ENOSF1: variants seen among roughly 807,000 people sequenced by gnomAD.
The protein encoded by ENOSF1 is mitochondrial enolase superfamily member 1.
Under a neutral mutation model 68.2 loss-of-function variants are expected in ENOSF1, and 73 were observed. That is an observed-to-expected ratio of 1.07 (90% CI 0.89 to 1.30). ENOSF1 has a LOEUF of 1.30. Among genes scored for constraint, ENOSF1 ranks in the 50% most tolerant of loss-of-function variants. The probability of loss-of-function intolerance (pLI) is 0.00; values close to 1 mark genes in which losing one functional copy is unlikely to be tolerated. For missense variants in ENOSF1, 589 were observed against 554.5 expected, an observed-to-expected ratio of 1.06 and a Z score of -0.62; for synonymous variants, 223 against 210.4, an observed-to-expected ratio of 1.06 and a Z score of -0.52.
chr18:692,168 GCTGAGACCTCTC>G (rs1184314797), intron 5 of ENOSF1: 1 of 152,280 alleles, frequency 6.6e-6, no homozygotes, highest in Non-Finnish European at 1.5e-5. Context: ...GGGGCCTCGT[GCTGAGACCTCTC>G]CCCACCCTGA....
chr18:708,040 T>A (rs1246384908), intron 1 of ENOSF1, among the ~76,000 whole-genome samples: 1 of 140,236 alleles, frequency 7.1e-6, no homozygotes, highest in Non-Finnish European at 1.6e-5. Context: ...TTTTTTTTTT[T>A]AGTAAAGATG....
chr18:676,718 C>G (rs1050092695), intron 14 of ENOSF1, among the ~76,000 whole-genome samples: 2 of 152,164 alleles, frequency 1.3e-5, no homozygotes, highest in African/African-American at 4.8e-5. Context: ...TCACTACCCC[C>G]CTGAAGAGAA....
chr18:674,649 G>T (rs1328683139), intron 15 of ENOSF1, among the ~76,000 whole-genome samples: 1 of 152,128 alleles, frequency 6.6e-6, no homozygotes, highest in Non-Finnish European at 1.5e-5. Flanking sequence ...CTCCCATGTA[G>T]CTGGGATCAC....
chr18:712,227 G>GA lies in ENOSF1; in HGVS notation c.84+276dup. 4 of 1,501,576 alleles carry GA rather than the reference G, an allele frequency of 2.7e-6. No individual in the cohort carries two copies. The South Asian group carries it at 4.8e-5, about 18-fold the overall frequency. 93.0% of individuals were successfully genotyped at this position (1,501,576 alleles called of 1,614,324 possible). On this transcript the variant is annotated intron_variant, in intron 1 of 15. Transcript: ENST00000647584. ...TACTTATACAATTGCTCCAAGGCATGAAAAGCGAGTGTCTCCCCCAGGCGC... is the reference window on the plus strand; with the variant it reads ...TACTTATACAATTGCTCCAAGGCATGAAAAAGCGAGTGTCTCCCCCAGGCGC...
In ENOSF1 at chr18:691,238, GT is replaced by G; in HGVS notation, c.461del (p.Tyr154SerfsTer6). 1.2e-6 allele frequency: 2 copies of G among 1,614,212 alleles called. No individual in the cohort carries two copies. The highest frequency in any genetic ancestry group is 3.3e-5 in the Admixed American group (2 of 60,034). On this transcript the variant is annotated frameshift_variant, in exon 6 of 16. Coordinates refer to ENST00000647584, the MANE Select transcript of ENOSF1 (RefSeq NM_017512.7). LOFTEE classifies it high-confidence loss of function. Reference protein sequence around the residue: ...RMLVSCIDFRYITDVLTEEDA... With the variant: ...RMLVSCIDFRXITDVLTEEDA... ...CCTCCTCAGTCAGGACATCAGTGAT[GT>G]ACCTGAAATCTATGCAGGATACCAG...
In ENOSF1 at chr18:675,301, G is replaced by GA; in HGVS notation, c.1230+19_1230+20insT. The GA allele has an allele frequency of 6.3e-7, 1 of 1,596,188 alleles. No homozygotes were observed. The highest frequency in any genetic ancestry group is 1.1e-5 in the South Asian group (1 of 88,362). ...GGCTGGCAGCATCTCTTCTACAGGG[G>GA]CCCTCAGGCCACAGCTTACCTTGGG... On this transcript the variant is annotated intron_variant, in intron 15 of 15. Coordinates refer to ENST00000647584, the MANE Select transcript of ENOSF1 (RefSeq NM_017512.7).
intron 8 of ENOSF1, 77 bp from the exon 9 acceptor site, chr18:688,685 G>A: frequency 1.5e-6 from 2 of 1,311,806 alleles, no homozygotes; most frequent in Non-Finnish European, 2.2e-6. Flanking sequence ...TTGCTGATCT[G>A]TTTCACAAGC....
chr18:699,870 A>C (rs2078136363), intron 2 of ENOSF1, among the ~76,000 whole-genome samples: 1 of 152,208 alleles, frequency 6.6e-6, no homozygotes, highest in African/African-American at 2.4e-5. Context: ...GCCTGAGGTC[A>C]AGAGTTTGAG....
At chr18:707,994 G>C (rs1046442853) in intron 1 of ENOSF1, among the ~76,000 whole-genome samples, 1 of 151,282 alleles carries the variant, frequency 6.6e-6, no homozygotes, top group African/African-American at 2.4e-5. Flanking sequence ...CAAGTAGCTG[G>C]GATTACAGGC....
At chr18:703,273 C>T (rs902714920) in intron 2 of ENOSF1, among the ~76,000 whole-genome samples, 11 of 152,118 alleles carry the variant, frequency 7.2e-5, no homozygotes, top group African/African-American at 2.7e-4. Context: ...GAGCTCAGCA[C>T]CCATCCCAGA....
intron 2 of ENOSF1, among the ~76,000 whole-genome samples, chr18:704,496 A>G (rs1185473856): frequency 1.3e-5 from 2 of 150,936 alleles, no homozygotes; most frequent in African/African-American, 4.9e-5. Context: ...AAACTTGTAC[A>G]TAGTTTTAAA....
At position 688,629 on chromosome 18, in the gene ENOSF1, G is replaced by A. The variant is rs1159120816; in HGVS notation, c.619-21C>T. On this transcript the variant is annotated intron_variant, in intron 8 of 15. Coordinates refer to ENST00000647584, the MANE Select transcript of ENOSF1 (RefSeq NM_017512.7). ...CAGAGCTGTGGGAAAGGAGCACAGG[G>A]TCACACACTGGAGAGAGCCCCTTGG... The A allele has an allele frequency of 2.5e-6, 4 of 1,610,126 alleles. No individual in the cohort carries two copies. The East Asian group carries it at 6.7e-5, about 27-fold the overall frequency.
intron 1 of ENOSF1, among the ~76,000 whole-genome samples, chr18:712,187 T>C (rs2079633778): frequency 6.6e-6 from 1 of 151,212 alleles, no homozygotes; most frequent in Non-Finnish European, 1.5e-5. Context: ...CCCAGGAGAG[T>C]GGAAAGTTTC....
chr18:667,576 GT>G (rs1393615863), downstream of ENOSF1: 1 of 82,672 alleles, frequency 1.2e-5, no homozygotes, highest in African/African-American at 8.0e-5. Context: ...GATGGAGATG[GT>G]GATGGTGATG....
In ENOSF1 at chr18:678,812, T is replaced by C. The variant is rs538985825; in HGVS notation, c.877-75A>G. ...AACTCCTAATGTTTAAAAACATTTA[T>C]AGCTGAAGGAGGAAACGGCCCTGCT... On this transcript the variant is annotated intron_variant, in intron 11 of 15. Transcript: ENST00000647584. 22 of 1,513,636 alleles carry C rather than the reference T, an allele frequency of 1.5e-5. No individual in the cohort carries two copies. In the East Asian group the frequency reaches 4.7e-4, roughly 33 times the overall value. The allele number at this position is 1,513,636 out of a possible 1,614,324, so 93.8% of individuals were successfully genotyped here.
intron 2 of ENOSF1, among the ~76,000 whole-genome samples, chr18:703,137 A>C (rs2078549367): frequency 1.3e-5 from 2 of 152,220 alleles, no homozygotes; most frequent in South Asian, 2.1e-4. Context: ...CCCTTAGCAC[A>C]AAAGAGTCAT....
rs767767729 is a variant in ENOSF1 at position 674,321 on chromosome 18, G to C, written c.1316C>G (p.Pro439Arg). The C allele has an allele frequency of 6.2e-7, 1 of 1,610,150 alleles. No homozygotes were observed. Among genetic ancestry groups the C allele is most frequent in the East Asian group, 2.2e-5 (1 of 44,596 alleles). ...GCTGAGCACTTAATTTTCTTGAGCA[G>C]GAAGGAGTTTCTTCCAAACTTCACC... ...PDGEVWKKLL[P>R]AQEN The change falls in exon 16 of 16, where the codon CCT becomes CGT. Residue 439 changes from proline (P) to arginine (R), a missense_variant. Transcript: ENST00000647584.
At chr18:701,271 AACT>A (rs2078311918) in intron 2 of ENOSF1, among the ~76,000 whole-genome samples, 1 of 152,126 alleles carries the variant, frequency 6.6e-6, no homozygotes, top group East Asian at 1.9e-4. Context: ...CCCTATTGTA[AACT>A]ACAGACTTTG....
At chr18:663,916 G>A in the ENOSF1 span, among the ~76,000 whole-genome samples, 1 of 108,432 alleles carries the variant, frequency 9.2e-6, no homozygotes, top group Non-Finnish European at 1.8e-5. Flanking sequence ...TTTGGTTACT[G>A]TAGCCTTGTA....
Sources: gnomAD v4.1 joint callset for allele counts (sites outside exome capture counted in the v4.1 genomes callset) on GRCh38, gnomAD v4.1.1 for gene constraint, MANE v1.5 for transcripts, NCBI Gene and HGNC (gene_info 2026-07-23, HGNC 2026-07-21) for gene names.